Variants in CEP85L observed in about 807,000 individuals in gnomAD.
CEP85L encodes the protein centrosomal protein 85L.
CEP85L carries 60 observed loss-of-function variants against 100.3 expected under a neutral mutation model. The observed-to-expected ratio is 0.60, with a 90% CI of 0.49 to 0.74. The LOEUF (loss-of-function observed/expected upper bound fraction) is 0.74. CEP85L is among the 30% of genes least tolerant of loss of function. The pLI is 0.00. For missense variants in CEP85L, 973 were observed against 936.2 expected, an observed-to-expected ratio of 1.04 and a Z score of -0.51; for synonymous variants, 319 against 322.7, an observed-to-expected ratio of 0.99 and a Z score of 0.12.
At chr6:118,696,346 C>T (rs1777210791) in intron 1 of CEP85L, among the ~76,000 whole-genome samples, 1 of 152,116 alleles carries the variant, frequency 6.6e-6, no homozygotes, top group Non-Finnish European at 1.5e-5. Flanking sequence ...AGTAATAGTA[C>T]AGTAAGGATG....
upstream of CEP85L, among the ~76,000 whole-genome samples, chr6:118,653,898 C>T (rs531388707): frequency 6.6e-6 from 1 of 152,152 alleles, no homozygotes; most frequent in South Asian, 2.1e-4. Context: ...TAATACCAAA[C>T]TATATTAAAC....
At chr6:118,566,969 C>A (rs1303757714) in intron 2 of CEP85L, among the ~76,000 whole-genome samples, 2 of 151,806 alleles carry the variant, frequency 1.3e-5, no homozygotes, top group African/African-American at 4.8e-5. Context: ...TATTCATAAT[C>A]CAGCAATGAA....
Position 118,600,370 on chromosome 6 carries a change from T to TGTGTGTGTGTGTGTGTGTGTGG in CEP85L, c.232+32082_232+32083insCCACACACACACACACACACAC, listed in dbSNP as rs58066356. Among the ~76,000 whole-genome samples, 51 of 86,438 alleles carry TGTGTGTGTGTGTGTGTGTGTGG rather than the reference T, an allele frequency of 5.9e-4. 10 individuals are homozygous for TGTGTGTGTGTGTGTGTGTGTGG. Among genetic ancestry groups the TGTGTGTGTGTGTGTGTGTGTGG allele is most frequent in the Non-Finnish European group, 7.7e-4 (30 of 39,066 alleles). The allele number at this position is 86,438 out of a possible 152,430, so 56.7% of individuals were successfully genotyped here. On this transcript the variant is annotated intron_variant, in intron 2 of 12. Coordinates refer to ENST00000368491, the MANE Select transcript of CEP85L (RefSeq NM_001042475.3). Reference sequence around the variant, plus strand: ...GTGTGTGTGTGTGTGTGTGTGTGTGTAACGCCATGGAGCAATCTCAGCTCA... The same window carrying TGTGTGTGTGTGTGTGTGTGTGG: ...GTGTGTGTGTGTGTGTGTGTGTGTGTGTGTGTGTGTGTGTGTGTGTGGAACGCCATGGAGCAATCTCAGCTCA...
intron 1 of CEP85L, among the ~76,000 whole-genome samples, chr6:118,672,097 T>C (rs1311743203): frequency 6.6e-6 from 1 of 152,144 alleles, no homozygotes; most frequent in Non-Finnish European, 1.5e-5. Flanking sequence ...AGTGCAGTGG[T>C]GCGATCTCAG....
intron 1 of CEP85L, among the ~76,000 whole-genome samples, chr6:118,677,557 G>A (rs1229006026): frequency 6.6e-6 from 1 of 152,122 alleles, no homozygotes; most frequent in South Asian, 2.1e-4. Flanking sequence ...CTCTAGCATT[G>A]ACCTTCATCC....
intron 10 of CEP85L, among the ~76,000 whole-genome samples, chr6:118,476,035 G>A (rs1159481105): frequency 6.6e-6 from 1 of 152,144 alleles, no homozygotes; most frequent in East Asian, 1.9e-4. Context: ...TACAAATAAT[G>A]TGAGTATCCA....
At chr6:118,612,912 CACAAATTA>C (rs1366509600) in intron 2 of CEP85L, among the ~76,000 whole-genome samples, 1 of 151,842 alleles carries the variant, frequency 6.6e-6, no homozygotes, top group Non-Finnish European at 1.5e-5. Flanking sequence ...GGCAGGAAGA[CACAAATTA>C]ACAATAACTG....
intron 2 of CEP85L, among the ~76,000 whole-genome samples, chr6:118,625,851 A>G (rs1004536257): frequency 6.6e-6 from 1 of 152,074 alleles, no homozygotes. Context: ...TCCTTGTCAA[A>G]TTTATTTCCT....
chr6:118,467,724 A>G (rs1772635407), intron 12 of CEP85L, among the ~76,000 whole-genome samples: 1 of 152,210 alleles, frequency 6.6e-6, no homozygotes, highest in African/African-American at 2.4e-5. Context: ...AAAATCATGA[A>G]GAAAGTGAGT....
intron 1 of CEP85L, among the ~76,000 whole-genome samples, chr6:118,640,333 T>C (rs1268100951): frequency 4.5e-5 from 3 of 67,168 alleles, no homozygotes; most frequent in African/African-American, 1.3e-4. Flanking sequence ...GAATTACCAG[T>C]ATAGCTCAGT....
At position 118,474,161 on chromosome 6, in the gene CEP85L, T is replaced by C. The variant is rs114838521; in HGVS notation, c.1915-3517A>G. 6.1e-3 allele frequency among the ~76,000 whole-genome samples: 927 copies of C among 152,276 alleles called. 14 individuals are homozygous for C. The highest frequency in any genetic ancestry group is 0.02 in the African/African-American group (826 of 41,560). ...TTCTGGAAATGGTCCTAAGAGCATATAGCAAATGAAGAAACATTACTCAAG... is the reference window on the plus strand; with the variant it reads ...TTCTGGAAATGGTCCTAAGAGCATACAGCAAATGAAGAAACATTACTCAAG... On this transcript the variant is annotated intron_variant, in intron 10 of 12. Coordinates refer to ENST00000368491, the MANE Select transcript of CEP85L (RefSeq NM_001042475.3).
At position 118,495,503 on chromosome 6, in the gene CEP85L, A is replaced by T. The variant is rs1037489810; in HGVS notation, c.1258-3638T>A. 2.6e-5 allele frequency among the ~76,000 whole-genome samples: 4 copies of T among 152,270 alleles called. No homozygotes were observed. In the East Asian group the frequency reaches 7.7e-4, roughly 29 times the overall value. ...TTGCTCAGCACTTCTTCCTTCTATC[A>T]TATGAAGAAGGATGTGTTTGCTTCC... On this transcript the variant is annotated intron_variant, in intron 5 of 12. Coordinates refer to ENST00000368491, the MANE Select transcript of CEP85L (RefSeq NM_001042475.3).
intron 3 of CEP85L, chr6:118,560,446 T>C (rs1779158683): frequency 6.0e-6 from 1 of 167,172 alleles, no homozygotes; most frequent in South Asian, 2.1e-4. Context: ...ATTCTCATTG[T>C]CTTCACATTG....
chr6:118,708,041 C>T (rs904987331), intron 1 of CEP85L, among the ~76,000 whole-genome samples: 21 of 152,194 alleles, frequency 1.4e-4, no homozygotes, highest in African/African-American at 4.3e-4. Flanking sequence ...AGACTTCAAC[C>T]GACAAACCTA....
rs527536288 is a variant in CEP85L, at chr6:118,462,038, A to T, written c.*3367T>A. On this transcript the variant is annotated 3_prime_UTR_variant, in exon 13 of 13. Coordinates refer to ENST00000368491, the MANE Select transcript of CEP85L (RefSeq NM_001042475.3). ...CTTTAAAAACATCCTCTAAGAAATTAATAATTCTTGCACTATGAAAGAATT... is the reference window on the plus strand; with the variant it reads ...CTTTAAAAACATCCTCTAAGAAATTTATAATTCTTGCACTATGAAAGAATT... 5.9e-5 allele frequency: 9 copies of T among 152,152 alleles called. No individual in the cohort carries two copies. The highest frequency in any genetic ancestry group is 5.9e-4 in the Admixed American group (9 of 15,290). The allele number at this position is 152,152 out of a possible 1,614,324, so 9.4% of individuals were successfully genotyped here. A position where few individuals can be genotyped will look rare whatever the true frequency, so the allele number is the denominator to read the frequency against.
At chr6:118,690,664 C>T (rs1366104048) in intron 1 of CEP85L, among the ~76,000 whole-genome samples, 1 of 152,086 alleles carries the variant, frequency 6.6e-6, no homozygotes, top group Non-Finnish European at 1.5e-5. Context: ...GCCATTTTTG[C>T]CAAAATATGG....
chr6:118,676,392 A>C (rs1776484051), intron 1 of CEP85L, among the ~76,000 whole-genome samples: 1 of 152,018 alleles, frequency 6.6e-6, no homozygotes, highest in South Asian at 2.1e-4. Flanking sequence ...TGCTTCCATT[A>C]GTTTAACTTT....
At chr6:118,652,165 A>G (rs1033282049), upstream of CEP85L, among the ~76,000 whole-genome samples, 5 of 152,156 alleles carry the variant, frequency 3.3e-5, no homozygotes, top group Admixed American at 1.3e-4. Context: ...CCCGGGGGTA[A>G]TTAGTACCCG....
intron 3 of CEP85L, among the ~76,000 whole-genome samples, chr6:118,531,192 A>G (rs1251268745): frequency 6.6e-6 from 1 of 152,172 alleles, no homozygotes; most frequent in Non-Finnish European, 1.5e-5. Flanking sequence ...AGAGCTCAGA[A>G]ATAATACCAT....
Sources: allele counts gnomAD v4.1 joint callset (sites outside exome capture counted in the v4.1 genomes callset), GRCh38; gene constraint gnomAD v4.1.1; transcripts MANE v1.5; gene names NCBI Gene and HGNC (gene_info 2026-07-23, HGNC 2026-07-21).